USP53: variants seen among roughly 807,000 people sequenced by gnomAD.
USP53 encodes ubiquitin specific peptidase 53.
USP53 carries 71 observed loss-of-function variants against 94.9 expected under a neutral mutation model. That is an observed-to-expected ratio of 0.75 (90% CI 0.62 to 0.91). The LOEUF is 0.91. Ranked by LOEUF, USP53 falls within the 40% of genes least tolerant of loss-of-function variation. The probability of loss-of-function intolerance (pLI) is 0.00; values close to 1 mark genes in which losing one functional copy is unlikely to be tolerated. For missense variants in USP53, 1,173 were observed against 1,281.0 expected (o/e 0.92, Z 1.29); for synonymous variants, 375 against 422.7 (o/e 0.89, Z 1.39).
At chr4:119,242,721 C>T (rs1747704177) in intron 5 of USP53, among the ~76,000 whole-genome samples, 1 of 152,178 alleles carries the variant, frequency 6.6e-6, no homozygotes, top group Admixed American at 6.5e-5. Flanking sequence ...CCTGACAAAA[C>T]AACTATTCAA....
chr4:119,270,427 T>C (rs1578527429), intron 15 of USP53, among the ~76,000 whole-genome samples: 1 of 152,180 alleles, frequency 6.6e-6, no homozygotes, highest in Non-Finnish European at 1.5e-5. Context: ...AGTTCTTTAA[T>C]ACACCTATAC....
chr4:119,234,892 C>A (rs1746527557), intron 3 of USP53, among the ~76,000 whole-genome samples: 1 of 152,198 alleles, frequency 6.6e-6, no homozygotes, highest in African/African-American at 2.4e-5. Context: ...TTCCGCATCC[C>A]ACAAACACTG....
intron 17 of USP53, among the ~76,000 whole-genome samples, chr4:119,289,237 G>A (rs1294354619): frequency 1.3e-5 from 2 of 152,116 alleles, no homozygotes; most frequent in Admixed American, 1.3e-4. Flanking sequence ...AATTGTTACT[G>A]TTTCATCAAG....
chr4:119,293,443 A>G lies in USP53; in HGVS notation c.*232A>G, dbSNP rs1320060391. On this transcript the variant is annotated 3_prime_UTR_variant, in exon 19 of 19. Transcript: ENST00000692078. ...TTAATCACTATACATATGTATGTGT[A>G]TATGTGTATACACATATATAATTTT... is the stretch of plus-strand genomic sequence containing the variant. The G allele has an allele frequency of 6.7e-6, 3 of 449,308 alleles. No individual in the cohort carries two copies. The highest frequency in any genetic ancestry group is 1.2e-5 in the Non-Finnish European group (3 of 254,976). The allele number at this position is 449,308 out of a possible 1,614,324, so 27.8% of individuals were successfully genotyped here.
At chr4:119,248,317 C>A (rs972067056) in intron 6 of USP53, among the ~76,000 whole-genome samples, 2 of 146,752 alleles carry the variant, frequency 1.4e-5, no homozygotes, top group African/African-American at 5.0e-5. Flanking sequence ...GACCTGGGAA[C>A]CCTATATGTT....
chr4:119,250,958 A>G (rs923935528), intron 7 of USP53, among the ~76,000 whole-genome samples: 8 of 151,702 alleles, frequency 5.3e-5, no homozygotes, highest in Non-Finnish European at 1.2e-4. Flanking sequence ...CAGAACTTGC[A>G]GTTTTGTTAC....
At position 119,219,084 on chromosome 4, in the gene USP53, A is replaced by G. The variant is rs535109036; in HGVS notation, c.-665+1411A>G. On this transcript the variant is annotated intron_variant, in intron 3 of 18. Coordinates refer to ENST00000692078, the MANE Select transcript of USP53 (RefSeq NM_001371395.1). ...CTGTGGTATTTCAGAAATCTAATGA[A>G]CAAGTACTGTTTGATAATCAAAAAA... 8 of 152,322 alleles carry G rather than the reference A, an allele frequency of 5.3e-5. 1 individual carries two copies. The South Asian group carries it at 1.7e-3, about 32-fold the overall frequency. 9.4% of individuals were successfully genotyped at this position (152,322 alleles called of 1,614,324 possible). A position where few individuals can be genotyped will look rare whatever the true frequency, so the allele number is the denominator to read the frequency against.
intron 13 of USP53, among the ~76,000 whole-genome samples, chr4:119,267,986 T>C (rs1398189209): frequency 6.6e-6 from 1 of 151,936 alleles, no homozygotes; most frequent in Non-Finnish European, 1.5e-5. Context: ...GCTAACAAGG[T>C]GAAACCCCGT....
chr4:119,262,007 A>G (rs1366234219), intron 12 of USP53, 143 bp downstream of exon 12: 4 of 800,632 alleles, frequency 5.0e-6, no homozygotes, highest in Non-Finnish European at 6.9e-6. Flanking sequence ...AGCATCAGTA[A>G]GTTCAAACTT....
At chr4:119,273,357 T>C (rs12645079) in intron 16 of USP53, 48,292 of 218,264 alleles carry the variant, frequency 0.22, 6,273 homozygotes, top group South Asian at 0.31. Context: ...TTTATAATTC[T>C]TCTTGGAATG....
intron 17 of USP53, among the ~76,000 whole-genome samples, chr4:119,287,224 G>C (rs971990380): frequency 6.6e-6 from 1 of 151,808 alleles, no homozygotes; most frequent in African/African-American, 2.4e-5. Context: ...TTAAAGGCAC[G>C]TATATAATCA....
At chr4:119,233,899 G>A (rs1746385434) in intron 3 of USP53, among the ~76,000 whole-genome samples, 1 of 152,190 alleles carries the variant, frequency 6.6e-6, no homozygotes, top group Non-Finnish European at 1.5e-5. Flanking sequence ...ATTTCATGGA[G>A]TAGAGGTGGG....
At chr4:119,228,478 G>A (rs1745623881) in intron 3 of USP53, among the ~76,000 whole-genome samples, 1 of 152,106 alleles carries the variant, frequency 6.6e-6, no homozygotes, top group East Asian at 1.9e-4. Flanking sequence ...GGTCAACTGC[G>A]CCATATAACA....
chr4:119,217,515 A>G (rs1031097100), intron 2 of USP53, 35 bp from the exon 3 acceptor site: 3 of 152,154 alleles, frequency 2.0e-5, no homozygotes, highest in African/African-American at 7.2e-5. Flanking sequence ...TAAATATTTG[A>G]TGAAAACTTA....
chr4:119,239,162 T>A (rs1747189142), intron 4 of USP53, 56 bp from the exon 5 acceptor site: 1 of 152,166 alleles, frequency 6.6e-6, no homozygotes, highest in Admixed American at 6.5e-5. Context: ...ATGGTAAAGT[T>A]AAGAATTTTC....
intron 3 of USP53, among the ~76,000 whole-genome samples, chr4:119,227,354 C>A (rs1327730379): frequency 6.7e-6 from 1 of 150,054 alleles, no homozygotes; most frequent in East Asian, 2.0e-4. Context: ...AAAACCTCTA[C>A]AGGGCCGGGC....
chr4:119,267,159 T>G (rs1038344251), intron 12 of USP53, among the ~76,000 whole-genome samples, 161 bp from the exon 13 acceptor site: 46 of 152,222 alleles, frequency 3.0e-4, no homozygotes, highest in African/African-American at 1.0e-3. Flanking sequence ...TTATTTAGAC[T>G]AGTTACTAAA....
rs1431655079 is a variant in USP53 at position 119,271,805 on chromosome 4, G to GA, written c.1948dup (p.Ile650AsnfsTer8). 2.5e-6 allele frequency: 4 copies of GA among 1,612,460 alleles called. No homozygotes were observed. The Admixed American group carries it at 6.7e-5, about 27-fold the overall frequency. On this transcript the variant is annotated frameshift_variant, in exon 16 of 19. Transcript: ENST00000692078. LOFTEE classifies it high-confidence loss of function. ...CATATATGAAGATGAAATGAAGCAG[G>GA]AAATAGGAAGCAGAAGTTCCCTTGA...
chr4:119,219,741 C>G (rs1187537822), intron 3 of USP53: 1 of 152,118 alleles, frequency 6.6e-6, no homozygotes, highest in African/African-American at 2.4e-5. Flanking sequence ...TGAAGATTAC[C>G]TAACTAATTA....
Sources: gnomAD v4.1 joint callset for allele counts (sites outside exome capture counted in the v4.1 genomes callset) on GRCh38, gnomAD v4.1.1 for gene constraint, MANE v1.5 for transcripts, NCBI Gene and HGNC (gene_info 2026-07-23, HGNC 2026-07-21) for gene names.